Variants in MGAT5 observed in about 807,000 individuals in gnomAD.
The protein encoded by MGAT5 is alpha-1,6-mannosylglycoprotein 6-beta-N-acetylglucosaminyltransferase.
In MGAT5, 30 loss-of-function variants were observed where a neutral mutation model predicts 94.3. The observed-to-expected ratio is 0.32, with a 90% CI of 0.24 to 0.43. MGAT5 has a LOEUF of 0.43. Ranked by LOEUF, MGAT5 falls within the 20% of genes least tolerant of loss-of-function variation. The pLI is 1.00. For synonymous variants in MGAT5, 310 were observed against 322.9 expected, an observed-to-expected ratio of 0.96 and a Z score of 0.43; for missense variants, 691 against 905.5, an observed-to-expected ratio of 0.76 and a Z score of 3.04.
At chr2:134,202,899 A>G (rs1679865267) in intron 1 of MGAT5, among the ~76,000 whole-genome samples, 2 of 152,210 alleles carry the variant, frequency 1.3e-5, no homozygotes, top group Admixed American at 1.3e-4. Context: ...AAGGAAAGTC[A>G]TGCGGAGTCA....
intron 11 of MGAT5, among the ~76,000 whole-genome samples, chr2:134,403,974 G>C (rs111514717): frequency 0.015 from 2,344 of 152,292 alleles, 71 homozygotes; most frequent in African/African-American, 0.053. Context: ...TTCTGTAATG[G>C]TGCCATGGAA....
intron 4 of MGAT5, among the ~76,000 whole-genome samples, chr2:134,325,682 G>A (rs373621998): frequency 3.9e-5 from 6 of 152,168 alleles, no homozygotes; most frequent in African/African-American, 1.2e-4. Context: ...TCAGGCCATT[G>A]TATAAATTAA....
chr2:134,238,213 T>C (rs1681770499), intron 1 of MGAT5, among the ~76,000 whole-genome samples: 1 of 152,236 alleles, frequency 6.6e-6, no homozygotes, highest in African/African-American at 2.4e-5. Flanking sequence ...TGTGTGACAT[T>C]GAACAGATTG....
At chr2:134,239,009 TTTG>T (rs1681815390) in intron 1 of MGAT5, among the ~76,000 whole-genome samples, 1 of 152,122 alleles carries the variant, frequency 6.6e-6, no homozygotes, top group Non-Finnish European at 1.5e-5. Context: ...TTTATTTATT[TTTG>T]TTTTGAGACA....
At chr2:134,258,628 G>GTA (rs1344818213) in intron 1 of MGAT5, among the ~76,000 whole-genome samples, 1 of 152,234 alleles carries the variant, frequency 6.6e-6, no homozygotes, top group African/African-American at 2.4e-5. Context: ...TTGTGTGTGT[G>GTA]TGTGTGTCCC....
intron 1 of MGAT5, among the ~76,000 whole-genome samples, chr2:134,247,830 G>A (rs531497928): frequency 1.8e-4 from 27 of 152,278 alleles, no homozygotes; most frequent in African/African-American, 4.8e-5. Flanking sequence ...GAGATTTTCA[G>A]GTTTTTGATG....
chr2:134,204,033 AC>A (rs1278369872), intron 1 of MGAT5, among the ~76,000 whole-genome samples: 2 of 152,148 alleles, frequency 1.3e-5, no homozygotes, highest in East Asian at 3.9e-4. Flanking sequence ...TTTAACAGTG[AC>A]CCTTTGTACA....
chr2:134,312,396 G>A (rs1320779200), intron 2 of MGAT5, among the ~76,000 whole-genome samples: 1 of 152,174 alleles, frequency 6.6e-6, no homozygotes, highest in African/African-American at 2.4e-5. Context: ...GCAGCTTCCT[G>A]CTGTTTTCCT....
intron 11 of MGAT5, among the ~76,000 whole-genome samples, chr2:134,412,440 C>T (rs1056368670): frequency 6.6e-6 from 1 of 152,072 alleles, no homozygotes; most frequent in Non-Finnish European, 1.5e-5. Flanking sequence ...CCTGAAAGGG[C>T]CTGTTGTTTC....
At chr2:134,285,566 G>A (rs1285710946) in intron 2 of MGAT5, among the ~76,000 whole-genome samples, 1 of 152,056 alleles carries the variant, frequency 6.6e-6, no homozygotes, top group African/African-American at 2.4e-5. Context: ...AATTTTAAAA[G>A]TATAAATTTA....
At chr2:134,439,446 C>T (rs1049847978) in intron 14 of MGAT5, among the ~76,000 whole-genome samples, 19 of 152,180 alleles carry the variant, frequency 1.2e-4, no homozygotes, top group Admixed American at 3.9e-4. Flanking sequence ...CCTGTAATCC[C>T]GGCACTTTGG....
At chr2:134,238,324 G>A (rs1041754151) in intron 1 of MGAT5, among the ~76,000 whole-genome samples, 6 of 152,196 alleles carry the variant, frequency 3.9e-5, no homozygotes, top group Non-Finnish European at 7.3e-5. Flanking sequence ...AGTCTGTTAA[G>A]GATCACGGTC....
At chr2:134,162,691 C>T (rs1194533586) in intron 1 of MGAT5, among the ~76,000 whole-genome samples, 1 of 152,106 alleles carries the variant, frequency 6.6e-6, no homozygotes, top group Non-Finnish European at 1.5e-5. Context: ...TACATTGTCC[C>T]CTTAAGGAGA....
chr2:134,200,459 G>A (rs1202014135), intron 1 of MGAT5, among the ~76,000 whole-genome samples: 2 of 152,146 alleles, frequency 1.3e-5, no homozygotes, highest in African/African-American at 4.8e-5. Context: ...GCCAATTAAT[G>A]GTGTTACAAG....
chr2:134,219,903 T>C (rs950109570), intron 1 of MGAT5, among the ~76,000 whole-genome samples: 15 of 152,202 alleles, frequency 9.9e-5, no homozygotes, highest in Non-Finnish European at 4.4e-5. Context: ...GAAGTGGAGA[T>C]GGCACTACTC....
intron 1 of MGAT5, among the ~76,000 whole-genome samples, chr2:134,134,455 G>A (rs1240025512): frequency 6.6e-6 from 1 of 152,198 alleles, no homozygotes; most frequent in Admixed American, 6.5e-5. Context: ...GTGTCTGGCT[G>A]CTTAATTCTC....
intron 10 of MGAT5, among the ~76,000 whole-genome samples, chr2:134,371,357 T>G (rs1680786985): frequency 1.3e-5 from 2 of 152,196 alleles, no homozygotes; most frequent in South Asian, 4.1e-4. Context: ...GTCTCCTGTT[T>G]AAAAGTCTAT....
intron 1 of MGAT5, among the ~76,000 whole-genome samples, chr2:134,195,247 T>G (rs369615986): frequency 1.1e-4 from 17 of 152,346 alleles, no homozygotes; most frequent in African/African-American, 4.1e-4. Context: ...TAGCAGGTAC[T>G]GTGTTAGACT....
chr2:134,303,264 A>G (rs1686139184), intron 2 of MGAT5, among the ~76,000 whole-genome samples: 1 of 152,112 alleles, frequency 6.6e-6, no homozygotes, highest in Non-Finnish European at 1.5e-5. Context: ...GTTCTCCAAC[A>G]GTTGCGTCAT....
Sources: gnomAD v4.1 joint callset for allele counts (sites outside exome capture counted in the v4.1 genomes callset) on GRCh38, gnomAD v4.1.1 for gene constraint, MANE v1.5 for transcripts, NCBI Gene and HGNC (gene_info 2026-07-23, HGNC 2026-07-21) for gene names.